FAAH2: variants seen among roughly 807,000 people sequenced by gnomAD.
FAAH2 encodes the protein fatty acid amide hydrolase 2.
FAAH2 carries 60 observed loss-of-function variants against 36.9 expected under a neutral mutation model. The ratio of observed to expected loss-of-function variants is 1.63; its 90% CI spans 1.32 to 2.02. FAAH2 has a LOEUF of 2.02. Among genes scored for constraint, FAAH2 ranks in the 30% most tolerant of loss-of-function variants. The pLI is 0.00. For missense variants in FAAH2, 689 were observed against 397.5 expected (o/e 1.73, Z -6.23); for synonymous variants, 214 against 143.8 (o/e 1.49, Z -3.49).
At chrX:57,330,998 C>T (rs1172794669) in intron 3 of FAAH2, among the ~76,000 whole-genome samples, 1 of 110,592 alleles carries the variant, frequency 9.0e-6, no homozygotes, top group East Asian at 2.9e-4. Flanking sequence ...ATGAGGGGTG[C>T]TCAGATTGGA....
the FAAH2 span, among the ~76,000 whole-genome samples, chrX:57,260,543 A>C: frequency 8.9e-6 from 1 of 111,941 alleles, no homozygotes; most frequent in Admixed American, 9.5e-5. Flanking sequence ...TTATAAAACA[A>C]AAGATCAATA....
At chrX:57,228,879 G>A in the FAAH2 span, among the ~76,000 whole-genome samples, 2 of 110,946 alleles carry the variant, frequency 1.8e-5, no homozygotes, top group Admixed American at 1.9e-4. Context: ...AAGCAAGAGT[G>A]AGCTGAGTAC....
At chrX:57,216,484 TTATATATATACGTATATGTATATA>T in the FAAH2 span, among the ~76,000 whole-genome samples, 2,007 of 61,316 alleles carry the variant, frequency 0.033, 100 homozygotes, top group African/African-American at 0.041. Flanking sequence ...TAGTATTCTA[TTATATATATACGTATATGTATATA>T]TATATATATA....
intron 5 of FAAH2, among the ~76,000 whole-genome samples, chrX:57,357,748 T>A (rs1350314031): frequency 1.8e-5 from 2 of 111,517 alleles, no homozygotes; most frequent in African/African-American, 6.5e-5. Context: ...AGAGTGTAAA[T>A]TAGTTCAACC....
intron 10 of FAAH2, among the ~76,000 whole-genome samples, chrX:57,479,454 C>T (rs187514784): frequency 1.2e-3 from 130 of 111,520 alleles, no homozygotes; most frequent in African/African-American, 2.6e-3. Context: ...ATTTGACTTC[C>T]TCGTTTCCTA....
chrX:57,434,874 A>T (rs2056377511), intron 8 of FAAH2, among the ~76,000 whole-genome samples: 1 of 111,518 alleles, frequency 9.0e-6, no homozygotes, highest in African/African-American at 3.3e-5. Flanking sequence ...GATCAGCAAG[A>T]AAAATGCATC....
chrX:57,237,403 A>G, the FAAH2 span, among the ~76,000 whole-genome samples: 1 of 111,245 alleles, frequency 9.0e-6, no homozygotes, highest in Non-Finnish European at 1.9e-5. Flanking sequence ...ATTTTTAGTG[A>G]AACAAGATGA....
chrX:57,300,296 A>T (rs1383145721), intron 2 of FAAH2, among the ~76,000 whole-genome samples: 1 of 111,283 alleles, frequency 9.0e-6, no homozygotes. Flanking sequence ...CCTCAGAAAC[A>T]ATGCCGCATA....
the FAAH2 span, among the ~76,000 whole-genome samples, chrX:57,273,734 C>A: frequency 9.0e-6 from 1 of 111,570 alleles, no homozygotes; most frequent in Non-Finnish European, 1.9e-5. Context: ...ACACAACGTA[C>A]CAGAATCTCT....
In FAAH2 at chrX:57,292,541, AG is replaced by A. The variant is rs1569234840; in HGVS notation, c.238del (p.Asp80ThrfsTer2). 1.7e-6 allele frequency: 2 copies of A among 1,210,651 alleles called. No homozygotes were observed. The highest frequency in any genetic ancestry group is 2.2e-5 in the Admixed American group (1 of 46,004). Reference protein sequence around the residue: ...DVVQAYINRIKDVNPMINGIV... With the variant: ...DVVQAYINRIXDVNPMINGIV... ...GTTCAGGCTTATATCAACAGAATCA[AG>A]GACGTGAACCCAATGATCAATGGAA... On this transcript the variant is annotated frameshift_variant, in exon 2 of 11. Transcript: ENST00000374900. LOFTEE classifies it high-confidence loss of function.
intron 8 of FAAH2, among the ~76,000 whole-genome samples, chrX:57,440,463 CTT>C (rs1385628122): frequency 9.0e-6 from 1 of 111,670 alleles, no homozygotes; most frequent in Non-Finnish European, 1.9e-5. Context: ...TATCCTGAGA[CTT>C]TGCTGAAGTT....
Position 57,452,060 on chromosome X carries a change from C to A in FAAH2, c.1423+3342C>A, listed in dbSNP as rs533156996. The A allele has an allele frequency of 2.5e-5, 11 of 434,942 alleles. No individual in the cohort carries two copies. In the South Asian group the frequency reaches 9.8e-4, roughly 39 times the overall value. The allele number at this position is 434,942 out of a possible 1,213,427, so 35.8% of individuals were successfully genotyped here. A position where few individuals can be genotyped will look rare whatever the true frequency, so the allele number is the denominator to read the frequency against. ...TCATAATAATTGGGAGAGGTGATTA[C>A]CAGGACAGATGGAAGGAAACAGCTT... On this transcript the variant is annotated intron_variant, in intron 10 of 10. Transcript: ENST00000374900.
chrX:57,198,100 G>A, the FAAH2 span, among the ~76,000 whole-genome samples: 12 of 111,064 alleles, frequency 1.1e-4, no homozygotes, highest in Non-Finnish European at 1.9e-4. Context: ...AAGTATTTGG[G>A]TTTCTGCAGT....
chrX:57,386,265 G>T (rs1300400574), intron 7 of FAAH2, among the ~76,000 whole-genome samples: 2 of 111,218 alleles, frequency 1.8e-5, no homozygotes, highest in Non-Finnish European at 3.8e-5. Flanking sequence ...ATACCACCAG[G>T]GACATAGGTA....
chrX:57,260,825 G>T, the FAAH2 span, among the ~76,000 whole-genome samples: 2,419 of 110,847 alleles, frequency 0.022, 58 homozygotes, highest in African/African-American at 0.075. Flanking sequence ...TCAGAAAAGT[G>T]CAAATTAAAA....
chrX:57,389,692 T>C (rs967509111), intron 7 of FAAH2, among the ~76,000 whole-genome samples: 4 of 111,066 alleles, frequency 3.6e-5, no homozygotes, highest in Non-Finnish European at 7.6e-5. Context: ...GGATTGCAGT[T>C]ACTTCTTAGA....
chrX:57,422,146 A>G (rs2056052436), intron 7 of FAAH2, among the ~76,000 whole-genome samples: 1 of 112,054 alleles, frequency 8.9e-6, no homozygotes, highest in East Asian at 2.8e-4. Flanking sequence ...AATTTGCTCT[A>G]GCAGTGAACC....
the FAAH2 span, among the ~76,000 whole-genome samples, chrX:57,188,540 C>T: frequency 2.8e-4 from 31 of 109,290 alleles, no homozygotes; most frequent in Admixed American, 2.0e-4. Flanking sequence ...AAAGGTGTTT[C>T]GTGTCTCTAT....
At position 57,391,212 on chromosome X, in the gene FAAH2, G is replaced by A. The variant is rs1034632681; in HGVS notation, c.996+10183G>A. 4.5e-5 allele frequency among the ~76,000 whole-genome samples: 5 copies of A among 110,510 alleles called. No individual in the cohort carries two copies. The South Asian group carries it at 1.1e-3, about 25-fold the overall frequency. ...TTGTTTTGGTTTCTTGTAGACTGTGGATATTAGACCATTTTCAGAGGCATA... is the reference window on the plus strand; with the variant it reads ...TTGTTTTGGTTTCTTGTAGACTGTGAATATTAGACCATTTTCAGAGGCATA... On this transcript the variant is annotated intron_variant, in intron 7 of 10. Transcript: ENST00000374900.
Sources: allele counts gnomAD v4.1 joint callset (sites outside exome capture counted in the v4.1 genomes callset), GRCh38; gene constraint gnomAD v4.1.1; transcripts MANE v1.5; gene names NCBI Gene and HGNC (gene_info 2026-07-23, HGNC 2026-07-21).